NCKAP5: variants seen among roughly 807,000 people sequenced by gnomAD.
NCKAP5 encodes nck-associated protein 5.
NCKAP5 carries 92 observed loss-of-function variants against 167.0 expected under a neutral mutation model. The ratio of observed to expected loss-of-function variants is 0.55; its 90% CI spans 0.47 to 0.66. The LOEUF is 0.66. Among genes scored for constraint, NCKAP5 ranks in the 30% least tolerant of loss-of-function variants. The pLI is 0.00. For missense variants in NCKAP5, 2,378 were observed against 2,315.0 expected (o/e 1.03, Z -0.56); for synonymous variants, 891 against 877.4 (o/e 1.02, Z -0.27).
At chr2:133,225,911 T>C (rs1183053801) in intron 4 of NCKAP5, among the ~76,000 whole-genome samples, 5 of 148,748 alleles carry the variant, frequency 3.4e-5, no homozygotes, top group Non-Finnish European at 7.4e-5. Context: ...GCCTCCCGAG[T>C]AGCTGGGACT....
At chr2:133,090,240 C>T (rs1414458747) in intron 6 of NCKAP5, among the ~76,000 whole-genome samples, 1 of 151,114 alleles carries the variant, frequency 6.6e-6, no homozygotes, top group Non-Finnish European at 1.5e-5. Context: ...AAAAGTCTAA[C>T]CCCAGAACTC....
chr2:132,847,708 A>G (rs970177612), intron 11 of NCKAP5, among the ~76,000 whole-genome samples: 4 of 152,194 alleles, frequency 2.6e-5, no homozygotes, highest in African/African-American at 9.7e-5. Context: ...CAAAAAATCA[A>G]AAGTCATTGT....
At chr2:132,729,449 G>A (rs1448113874) in intron 17 of NCKAP5, among the ~76,000 whole-genome samples, 12 of 152,170 alleles carry the variant, frequency 7.9e-5, no homozygotes. Flanking sequence ...ATTTTGAATA[G>A]TGTGGATTGG....
At chr2:133,478,202 C>A (rs527414478) in intron 3 of NCKAP5, among the ~76,000 whole-genome samples, 1 of 152,290 alleles carries the variant, frequency 6.6e-6, no homozygotes, top group African/African-American at 2.4e-5. Flanking sequence ...TGAATCTCAC[C>A]TGGTTCCAAT....
chr2:133,010,806 A>G (rs542057649), intron 6 of NCKAP5, among the ~76,000 whole-genome samples: 2 of 152,346 alleles, frequency 1.3e-5, no homozygotes, highest in African/African-American at 2.4e-5. Context: ...AATGAAAAGG[A>G]TTTTGGAAAT....
At chr2:132,845,487 AATT>A (rs1253214139) in intron 11 of NCKAP5, among the ~76,000 whole-genome samples, 14 of 152,288 alleles carry the variant, frequency 9.2e-5, no homozygotes, top group African/African-American at 2.6e-4. Context: ...ATAGGGCTCC[AATT>A]ATTATCATTT....
intron 3 of NCKAP5, among the ~76,000 whole-genome samples, chr2:133,504,547 A>G (rs10928453): frequency 0.22 from 34,046 of 151,752 alleles, 4,266 homozygotes; most frequent in East Asian, 0.39. Flanking sequence ...TTCAAGTTAC[A>G]CTGACTTCCA....
intron 16 of NCKAP5, among the ~76,000 whole-genome samples, chr2:132,732,652 C>T (rs752433628): frequency 3.3e-5 from 5 of 152,138 alleles, no homozygotes; most frequent in Non-Finnish European, 5.9e-5. Flanking sequence ...TTGTGGTCAC[C>T]CTTATTTCAA....
At chr2:133,276,462 G>GA (rs995414588) in intron 4 of NCKAP5, among the ~76,000 whole-genome samples, 1 of 151,706 alleles carries the variant, frequency 6.6e-6, no homozygotes, top group Non-Finnish European at 1.5e-5. Context: ...CATATACATG[G>GA]AAAAAACTTG....
intron 13 of NCKAP5, 45 bp downstream of exon 13, chr2:132,789,978 G>A (rs1168827840): frequency 1.3e-6 from 2 of 1,548,672 alleles, no homozygotes; most frequent in South Asian, 1.2e-5. Flanking sequence ...AATCCTACCA[G>A]AAGAGGATTC....
At chr2:132,776,382 G>T (rs1025389) in intron 15 of NCKAP5, among the ~76,000 whole-genome samples, 93,070 of 152,040 alleles carry the variant, frequency 0.61, 29,846 homozygotes, top group East Asian at 0.88. Context: ...AAACAAAAGC[G>T]ACTGCACAGT....
intron 6 of NCKAP5, among the ~76,000 whole-genome samples, chr2:133,101,969 T>G (rs189866986): frequency 1.2e-4 from 18 of 152,102 alleles, no homozygotes; most frequent in African/African-American, 4.3e-4. Flanking sequence ...ACTCCCAGAT[T>G]GTGAAAATTT....
intron 6 of NCKAP5, among the ~76,000 whole-genome samples, chr2:133,103,878 T>G (rs941404797): frequency 3.3e-5 from 5 of 152,196 alleles, no homozygotes; most frequent in Non-Finnish European, 7.3e-5. Context: ...ACTAGTGCTT[T>G]AAATGTAATT....
intron 8 of NCKAP5, 60 bp from the exon 9 acceptor site, chr2:132,878,976 C>G (rs752188070): frequency 8.3e-6 from 11 of 1,328,214 alleles, no homozygotes. Context: ...TATGTGACAA[C>G]TTATTCCATA....
intron 11 of NCKAP5, among the ~76,000 whole-genome samples, chr2:132,821,063 A>C (rs1435511818): frequency 6.6e-6 from 1 of 152,182 alleles, no homozygotes; most frequent in Non-Finnish European, 1.5e-5. Flanking sequence ...AAATGGATGG[A>C]TATAACAGTG....
At chr2:133,619,104 A>G in the NCKAP5 span, among the ~76,000 whole-genome samples, 1 of 131,150 alleles carries the variant, frequency 7.6e-6, no homozygotes, top group Non-Finnish European at 1.6e-5. Context: ...GAATTGAACA[A>G]TGAGAACACA....
chr2:132,679,484 C>T (rs1050722346), intron 19 of NCKAP5, among the ~76,000 whole-genome samples: 1 of 152,060 alleles, frequency 6.6e-6, no homozygotes, highest in African/African-American at 2.4e-5. Flanking sequence ...CTACTACCAC[C>T]CAACATCTCT....
chr2:133,592,765 A>G, the NCKAP5 span, among the ~76,000 whole-genome samples: 1 of 152,224 alleles, frequency 6.6e-6, no homozygotes, highest in African/African-American at 2.4e-5. Flanking sequence ...TGTGTGTTTT[A>G]AACCAGTATA....
intron 2 of NCKAP5, among the ~76,000 whole-genome samples, chr2:133,529,364 G>T (rs1304141005): frequency 6.6e-6 from 1 of 151,922 alleles, no homozygotes; most frequent in Non-Finnish European, 1.5e-5. Flanking sequence ...GACATCTATT[G>T]TTCCGTGACT....
Sources: allele counts gnomAD v4.1 joint callset (sites outside exome capture counted in the v4.1 genomes callset), GRCh38; gene constraint gnomAD v4.1.1; transcripts MANE v1.5; gene names NCBI Gene and HGNC (gene_info 2026-07-23, HGNC 2026-07-21).